The following ANOS1 variants were observed in gnomAD, a reference collection of about 807,000 sequenced individuals.
The protein encoded by ANOS1 is anosmin-1.
A neutral mutation model predicts 59.0 loss-of-function variants in ANOS1; 6 were observed. The observed-to-expected ratio is 0.10, with a 90% CI of 0.06 to 0.20. ANOS1 has a LOEUF of 0.20. Among genes scored for constraint, ANOS1 ranks in the 10% least tolerant of loss-of-function variants. The pLI is 1.00. For missense variants in ANOS1, 433 were observed against 542.3 expected (o/e 0.80, Z 2.00); for synonymous variants, 217 against 223.4 (o/e 0.97, Z 0.25).
chrX:8,567,246 A>C (rs749196351), intron 8 of ANOS1, among the ~76,000 whole-genome samples: 1 of 112,156 alleles, frequency 8.9e-6, no homozygotes, highest in East Asian at 2.8e-4. Context: ...GGTAAGAAAA[A>C]AAGAAACAAG....
intron 2 of ANOS1, among the ~76,000 whole-genome samples, chrX:8,675,774 T>C (rs1932326357): frequency 1.8e-5 from 2 of 109,423 alleles, no homozygotes; most frequent in African/African-American, 3.3e-5. Flanking sequence ...ATGTGTACCA[T>C]GGTGATTTGC....
intron 2 of ANOS1, among the ~76,000 whole-genome samples, chrX:8,658,148 G>A (rs1602008187): frequency 8.9e-6 from 1 of 112,131 alleles, no homozygotes; most frequent in East Asian, 2.8e-4. Context: ...GGTGCTCAAT[G>A]TATTGGCAAG....
At chrX:8,622,162 G>C (rs1023125369) in intron 3 of ANOS1, among the ~76,000 whole-genome samples, 3 of 111,175 alleles carry the variant, frequency 2.7e-5, no homozygotes, top group Non-Finnish European at 5.7e-5. Context: ...GATCAAAAGA[G>C]GGATCAAAAT....
At chrX:8,685,275 A>G (rs1569082371) in intron 2 of ANOS1, among the ~76,000 whole-genome samples, 1 of 110,495 alleles carries the variant, frequency 9.1e-6, no homozygotes, top group African/African-American at 3.3e-5. Flanking sequence ...TAATGAACAC[A>G]GTATCGACAG....
chrX:8,608,363 A>G (rs1393723255), intron 3 of ANOS1, among the ~76,000 whole-genome samples: 2 of 111,618 alleles, frequency 1.8e-5, no homozygotes, highest in Non-Finnish European at 3.8e-5. Context: ...AATTTCTTTT[A>G]AAGAGGAACA....
intron 3 of ANOS1, among the ~76,000 whole-genome samples, chrX:8,612,904 C>T (rs1467733730): frequency 9.0e-6 from 1 of 111,593 alleles, no homozygotes; most frequent in Non-Finnish European, 1.9e-5. Flanking sequence ...TAAGCTCATA[C>T]AGGAGCTTCT....
At chrX:8,588,194 CT>C (rs1312784460) in intron 4 of ANOS1, among the ~76,000 whole-genome samples, 3 of 110,105 alleles carry the variant, frequency 2.7e-5, no homozygotes, top group Non-Finnish European at 3.8e-5. Flanking sequence ...TCTTTTTTTT[CT>C]TTTTTTTAAT....
intron 1 of ANOS1, among the ~76,000 whole-genome samples, chrX:8,716,961 T>C (rs982429699): frequency 2.7e-4 from 30 of 111,521 alleles, no homozygotes; most frequent in African/African-American, 9.5e-4. Flanking sequence ...TTTGGAGACA[T>C]CAGTTTTGTC....
chrX:8,615,492 G>A (rs1332572181), intron 3 of ANOS1, among the ~76,000 whole-genome samples: 11 of 102,989 alleles, frequency 1.1e-4, no homozygotes, highest in Non-Finnish European at 2.2e-4. Context: ...GCACTGAGCC[G>A]AGATCGTGCC....
chrX:8,687,593 AACACACACACAC>A lies in ANOS1; in HGVS notation c.255+12093_255+12104del, dbSNP rs58384646. 2.7e-4 allele frequency among the ~76,000 whole-genome samples: 26 copies of A among 95,663 alleles called. 1 individual carries two copies. The highest frequency in any genetic ancestry group is 1.0e-3 in the East Asian group (3 of 2,900). The allele number at this position is 95,663 out of a possible 115,157, so 83.1% of individuals were successfully genotyped here. ...AGAAAACAGAAGGTGTAATCCAGTA[AACACACACACAC>A]ACACACACACACACACACACACACT... On this transcript the variant is annotated intron_variant, in intron 2 of 13. Coordinates refer to ENST00000262648, the MANE Select transcript of ANOS1 (RefSeq NM_000216.4).
intron 3 of ANOS1, among the ~76,000 whole-genome samples, chrX:8,620,946 GAAGA>G (rs1435983865): frequency 7.8e-4 from 88 of 112,103 alleles, no homozygotes; most frequent in African/African-American, 2.7e-3. Flanking sequence ...AAATTTACAG[GAAGA>G]AAGGTTTCAA....
At position 8,570,395 on chromosome X, in the gene ANOS1, T is replaced by A. The variant is rs767277403; in HGVS notation, c.1062+104A>T. The A allele has an allele frequency of 3.4e-5, 23 of 668,235 alleles. No homozygotes were observed. In the Admixed American group the frequency reaches 6.0e-4, roughly 17 times the overall value. The allele number at this position is 668,235 out of a possible 1,213,427, so 55.1% of individuals were successfully genotyped here. On this transcript the variant is annotated intron_variant, in intron 7 of 13. Transcript: ENST00000262648. ...TGAATGGGAGGGAAGCTTTCCTGCATCCATGGCATCTCTCAGTTTAGCAGA... is the reference window on the plus strand; with the variant it reads ...TGAATGGGAGGGAAGCTTTCCTGCAACCATGGCATCTCTCAGTTTAGCAGA...
chrX:8,661,324 G>A (rs1416378643), intron 2 of ANOS1, among the ~76,000 whole-genome samples: 3 of 109,735 alleles, frequency 2.7e-5, no homozygotes, highest in Admixed American at 1.9e-4. Flanking sequence ...CAGGGTTGGT[G>A]CCTCCTGAGG....
At chrX:8,677,064 G>A (rs1206473405) in intron 2 of ANOS1, among the ~76,000 whole-genome samples, 1 of 111,892 alleles carries the variant, frequency 8.9e-6, no homozygotes, top group Non-Finnish European at 1.9e-5. Flanking sequence ...CTCTAAGTTG[G>A]TGCTGTCCAA....
chrX:8,720,293 C>A (rs1284800970), intron 1 of ANOS1, among the ~76,000 whole-genome samples: 2 of 111,403 alleles, frequency 1.8e-5, no homozygotes, highest in African/African-American at 6.5e-5. Flanking sequence ...AATGAGGACA[C>A]CGCAACTTTT....
intron 7 of ANOS1, among the ~76,000 whole-genome samples, chrX:8,569,364 T>C (rs113309190): frequency 0.24 from 26,747 of 111,692 alleles, 4,238 homozygotes; most frequent in African/African-American, 0.57. Context: ...AAAGTGGGGC[T>C]GGGCGTGGTG....
chrX:8,691,011 T>A (rs1033756238), intron 2 of ANOS1, among the ~76,000 whole-genome samples: 5 of 111,398 alleles, frequency 4.5e-5, no homozygotes, highest in African/African-American at 1.6e-4. Context: ...CTAAGTGGCA[T>A]GCCATTGTTT....
chrX:8,673,033 G>A (rs769049464), intron 2 of ANOS1, among the ~76,000 whole-genome samples: 64 of 111,369 alleles, frequency 5.7e-4, no homozygotes, highest in African/African-American at 1.8e-3. Context: ...GCACATCATA[G>A]TATAAAAGAG....
intron 2 of ANOS1, among the ~76,000 whole-genome samples, chrX:8,680,766 C>CAGAT (rs1433995787): frequency 2.7e-5 from 3 of 111,563 alleles, no homozygotes; most frequent in Non-Finnish European, 5.6e-5. Flanking sequence ...ATGTATGGTA[C>CAGAT]AGATTCCCTA....
Sources: allele counts gnomAD v4.1 joint callset (sites outside exome capture counted in the v4.1 genomes callset), GRCh38; gene constraint gnomAD v4.1.1; transcripts MANE v1.5; gene names NCBI Gene and HGNC (gene_info 2026-07-23, HGNC 2026-07-21).